Variants in MKI67 observed in about 807,000 individuals in gnomAD.
MKI67 encodes marker of proliferation Ki-67.
In MKI67, 152 loss-of-function variants were observed where a neutral mutation model predicts 233.5. That is an observed-to-expected ratio of 0.65 (90% CI 0.57 to 0.74). The LOEUF (loss-of-function observed/expected upper bound fraction) is 0.74, where lower values mean the gene tolerates loss of function less well. MKI67 is among the 30% of genes least tolerant of loss of function. The pLI, the probability that MKI67 is intolerant of heterozygous loss-of-function variation, is 0.00. For synonymous variants in MKI67, 1,465 were observed against 1,418.5 expected (o/e 1.03, Z -0.74); for missense variants, 3,940 against 3,885.2 (o/e 1.01, Z -0.37).
rs374203412 is a variant in MKI67 at position 128,110,420 on chromosome 10, C to T, written c.2374G>A (p.Asp792Asn). 25 of 1,584,726 alleles carry T rather than the reference C, an allele frequency of 1.6e-5. No individual in the cohort carries two copies. The highest frequency in any genetic ancestry group is 1.9e-5 in the Non-Finnish European group (22 of 1,157,080). ...NLLGKQFQGT[D>N]SGEEPLLPTS... ...GGGAGCAGAGGTTCTTCTCCTGAAT[C>T]AGTTCCTTGAAACTGTTTTCCAAGC... Residue 792 changes from aspartate to asparagine, a missense_variant, in exon 12 of 15, where the codon GAT (aspartate) becomes AAT (asparagine). Physicochemically the swap from Asp to Asn is conservative, Grantham distance 23. Coordinates refer to ENST00000368654, the MANE Select transcript of MKI67 (RefSeq NM_002417.5).
At position 128,108,513 on chromosome 10, in the gene MKI67, G is replaced by A; in HGVS notation, c.3327C>T (p.Phe1109=). The change falls in exon 13 of 15, where the codon TTC becomes TTT. Residue 1109 remains phenylalanine, a synonymous_variant. Transcript: ENST00000368654. ...ATTCCTCAGAGGGACCTGGTGTCTG[G>A]AAGAGCTCTTTGAAGCCAGCCAGGT... ...LEDLAGFKEL[F]QTPGPSEESM... The A allele has an allele frequency of 6.2e-7, 1 of 1,614,040 alleles. No homozygotes were observed. Among genetic ancestry groups the A allele is most frequent in the Non-Finnish European group, 8.5e-7 (1 of 1,180,012 alleles).
At position 128,125,598 on chromosome 10, in the gene MKI67, G is replaced by A; in HGVS notation, c.70C>T (p.Leu24Phe). The A allele has an allele frequency of 6.2e-7, 1 of 1,613,420 alleles. No homozygotes were observed. Among genetic ancestry groups the A allele is most frequent in the Non-Finnish European group, 8.5e-7 (1 of 1,179,802 alleles). The change falls in exon 2 of 15, where the codon CTC becomes TTC. Residue 24 changes from leucine to phenylalanine, a missense_variant. Coordinates refer to ENST00000368654, the MANE Select transcript of MKI67 (RefSeq NM_002417.5). This position sits in a 1 kb window ranked among gnomAD's most constrained non-coding sequence, Gnocchi z 5.3. ...GVDGPHFPLSLSTCLFGRGIE... is the reference protein window; with the variant it reads ...GVDGPHFPLSFSTCLFGRGIE... ...CACCTTCCAAACAAGCAGGTGCTGA[G>A]GCTCAGGGGAAAGTGGGGACCGTCG...
At position 128,105,564 on chromosome 10, in the gene MKI67, T is replaced by G. The variant is rs140458599; in HGVS notation, c.6276A>C (p.Ser2092=). ...LFQTPDHTEE[S]TTDDKTTKIA... is the part of the protein sequence containing the mutation. ...TTTTGGTAGTTTTGTCATCAGTTGT[T>G]GATTCCTCAGTGTGGTCTGGTGTCT... Residue 2092 remains serine (S), a synonymous_variant, in exon 13 of 15, where the codon TCA becomes TCC. Transcript: ENST00000368654. The G allele has an allele frequency of 6.2e-6, 10 of 1,613,682 alleles. No homozygotes were observed. The highest frequency in any genetic ancestry group is 3.3e-5 in the Admixed American group (2 of 59,970).
At chr10:128,121,145 A>C (rs1001456012) in intron 4 of MKI67, among the ~76,000 whole-genome samples, 38 of 151,868 alleles carry the variant, frequency 2.5e-4, no homozygotes, top group African/African-American at 8.5e-4. Context: ...TCCATGCACC[A>C]AGACATCATT....
chr10:128,110,800 C>T (rs190418204), intron 11 of MKI67, among the ~76,000 whole-genome samples: 1 of 152,300 alleles, frequency 6.6e-6, no homozygotes, highest in East Asian at 1.9e-4. Context: ...CTGGGTCCTC[C>T]TAACAAGACC....
intron 6 of MKI67, 98 bp from the exon 7 acceptor site, chr10:128,116,105 A>C: frequency 7.2e-7 from 1 of 1,396,844 alleles, no homozygotes; most frequent in Non-Finnish European, 9.6e-7. Context: ...AGGTTGTCTT[A>C]TAAGCTAGCT....
In MKI67 at chr10:128,107,089, G is replaced by A. The variant is rs1185414663; in HGVS notation, c.4751C>T (p.Ala1584Val). The A allele has an allele frequency of 1.2e-6, 2 of 1,613,832 alleles. No individual in the cohort carries two copies. Among genetic ancestry groups the A allele is most frequent in the Non-Finnish European group, 1.7e-6 (2 of 1,180,004 alleles). ...TTTAAAGCCAGCCAGGTCTTCTAGA[G>A]CCTGGGCCTTTTCCTTAGGAGTTTG... ...RLQTPKEKAQ[A>V]LEDLAGFKEL... The change falls in exon 13 of 15, where the codon GCT becomes GTT. Residue 1584 changes from alanine (A) to valine (V), a missense_variant. Coordinates refer to ENST00000368654, the MANE Select transcript of MKI67 (RefSeq NM_002417.5).
At position 128,106,640 on chromosome 10, in the gene MKI67, T is replaced by C. The variant is rs1232277371; in HGVS notation, c.5200A>G (p.Lys1734Glu). ...GGCTGTGAAGCTCTGTAGGATACTTTGGTAGTTTTTTCGTTAGTCATTGAT... is the reference window on the plus strand; with the variant it reads ...GGCTGTGAAGCTCTGTAGGATACTTCGGTAGTTTTTTCGTTAGTCATTGAT... Reference protein sequence around the residue: ...KESMTNEKTTKVSYRASQPDL... With the variant: ...KESMTNEKTTEVSYRASQPDL... The change falls in exon 13 of 15, where the codon AAA (lysine) becomes GAA (glutamate). Residue 1734 changes from lysine (K) to glutamate (E), a missense_variant. Transcript: ENST00000368654. 1 of 1,614,168 alleles carries C rather than the reference T, an allele frequency of 6.2e-7. No individual in the cohort carries two copies. Among genetic ancestry groups the C allele is most frequent in the Non-Finnish European group, 8.5e-7 (1 of 1,180,018 alleles).
At position 128,115,301 on chromosome 10, in the gene MKI67, A is replaced by G. The variant is rs1422806234; in HGVS notation, c.1107T>C (p.Thr369=). 3 of 1,613,832 alleles carry G rather than the reference A, an allele frequency of 1.9e-6. No individual in the cohort carries two copies. Among genetic ancestry groups the G allele is most frequent in the Non-Finnish European group, 2.5e-6 (3 of 1,179,968 alleles). ...QKHKNKDLYT[T]GRRESVNLGK... ...CCAGATTCACAGATTCTCTTCTACC[A>G]GTAGTATACAGGTCTTTGTTCTTAT... The change falls in exon 7 of 15, where the codon ACT becomes ACC. Residue 369 remains threonine (T), a synonymous_variant. Transcript: ENST00000368654.
chr10:128,099,172 C>A lies in MKI67; in HGVS notation c.*18G>T. 6.3e-7 allele frequency: 1 copy of A among 1,590,462 alleles called. No individual in the cohort carries two copies. The stretch of plus-strand genomic sequence containing the variant: ...ACAAAACTAACTTTATTATATTTTT[C>A]CCAGTTCGATTTTTCTGTCAAATAT... On this transcript the variant is annotated 3_prime_UTR_variant, in exon 15 of 15. Coordinates refer to ENST00000368654, the MANE Select transcript of MKI67 (RefSeq NM_002417.5).
At position 128,105,373 on chromosome 10, in the gene MKI67, C is replaced by T. The variant is rs978950523; in HGVS notation, c.6467G>A (p.Gly2156Asp). The T allele has an allele frequency of 1.9e-6, 3 of 1,614,138 alleles. No homozygotes were observed. Among genetic ancestry groups the T allele is most frequent in the East Asian group, 2.2e-5 (1 of 44,876 alleles). ...TGCAGTTTCCCTGAACACGTTGATG[C>T]CTTTATCCTCATCTCCTGGTACTTT... The part of the protein sequence containing the change: ...TDKVPGDEDK[G>D]INVFRETAKQ... The change falls in exon 13 of 15, where the codon GGC becomes GAC. Residue 2156 changes from glycine (G) to aspartate (D), a missense_variant. Physicochemically the swap from Gly to Asp is moderately conservative, Grantham distance 94. Transcript: ENST00000368654.
In MKI67 at chr10:128,098,213, T is replaced by C. The variant is rs939052376; in HGVS notation, c.*977A>G. On this transcript the variant is annotated 3_prime_UTR_variant, in exon 15 of 15. Transcript: ENST00000368654. Reference sequence around the variant, plus strand: ...AAAGATGTCTGGGCTTCAAAGGAGATTTCGGAGGCAGCGGCTCACAAGGAA... The same window carrying C: ...AAAGATGTCTGGGCTTCAAAGGAGACTTCGGAGGCAGCGGCTCACAAGGAA... The C allele has an allele frequency of 6.6e-6, 1 of 152,184 alleles. No homozygotes were observed. The highest frequency in any genetic ancestry group is 2.4e-5 in the African/African-American group (1 of 41,416). The allele number at this position is 152,184 out of a possible 1,614,324, so 9.4% of individuals were successfully genotyped here. A position where few individuals can be genotyped will look rare whatever the true frequency, so the allele number is the denominator to read the frequency against.
Position 128,102,938 on chromosome 10 carries a change from C to A in MKI67, c.8902G>T (p.Val2968Leu). Residue 2968 changes from valine (V) to leucine (L), a missense_variant, in exon 13 of 15, where the codon GTA (valine) becomes TTA (leucine). Val to Leu is a conservative substitution (Grantham distance 32). Coordinates refer to ENST00000368654, the MANE Select transcript of MKI67 (RefSeq NM_002417.5). ...ISRRVLRAPK[V>L]EPVGDVVSTR... Reference sequence around the variant, plus strand: ...CTTACCACGTCTCCCACGGGTTCTACTTTAGGGGCCCGAAGAACTCTTCTG... The same window carrying A: ...CTTACCACGTCTCCCACGGGTTCTAATTTAGGGGCCCGAAGAACTCTTCTG... The A allele has an allele frequency of 1.2e-6, 2 of 1,614,214 alleles. No homozygotes were observed. The highest frequency in any genetic ancestry group is 1.7e-6 in the Non-Finnish European group (2 of 1,180,042).
In MKI67 at chr10:128,104,314, G is replaced by T. The variant is rs764652439; in HGVS notation, c.7526C>A (p.Thr2509Lys). The T allele has an allele frequency of 3.1e-6, 5 of 1,614,044 alleles. No individual in the cohort carries two copies. Among genetic ancestry groups the T allele is most frequent in the Admixed American group, 1.7e-5 (1 of 60,000 alleles). The change falls in exon 13 of 15, where the codon ACG becomes AAG. Residue 2509 changes from threonine (T) to lysine (K), a missense_variant. Coordinates refer to ENST00000368654, the MANE Select transcript of MKI67 (RefSeq NM_002417.5). ...TCCTGTTGGCTCTGTGTGTGTTTGC[G>T]TAGTCTCCCCTGATGTCCGTGTGAG... ...SKLTRTSGET[T>K]QTHTEPTGDS...
rs1420146342 is a variant in MKI67, at chr10:128,125,591, G to A, written c.77C>T (p.Thr26Ile). 3 of 1,613,138 alleles carry A rather than the reference G, an allele frequency of 1.9e-6. No individual in the cohort carries two copies. The highest frequency in any genetic ancestry group is 2.5e-6 in the Non-Finnish European group (3 of 1,179,790). ...CGGGGCTCACCTTCCAAACAAGCAG[G>A]TGCTGAGGCTCAGGGGAAAGTGGGG... Reference protein sequence around the residue: ...DGPHFPLSLSTCLFGRGIECD... With the variant: ...DGPHFPLSLSICLFGRGIECD... Residue 26 changes from threonine to isoleucine, a missense_variant, in exon 2 of 15, where the codon ACC becomes ATC. Transcript: ENST00000368654. This position sits in a 1 kb window ranked among gnomAD's most constrained non-coding sequence, Gnocchi z 5.3.
chr10:128,121,022 A>C lies in MKI67; in HGVS notation c.288-1703T>G, dbSNP rs145850211. ...ATTAAGGGGGTGGAAAAGTTATACT[A>C]CACAAGCACTCATCAAAAGGAAATT... On this transcript the variant is annotated intron_variant, in intron 4 of 14. Transcript: ENST00000368654. Among the ~76,000 whole-genome samples, 173 of 152,252 alleles carry C rather than the reference A, an allele frequency of 1.1e-3. 1 individual carries two copies. Among genetic ancestry groups the C allele is most frequent in the African/African-American group, 4.0e-3 (167 of 41,552 alleles).
rs771277685 is a variant in MKI67 at position 128,113,392 on chromosome 10, C to T, written c.1656+35G>A. 13 of 1,609,424 alleles carry T rather than the reference C, an allele frequency of 8.1e-6. No individual in the cohort carries two copies. The South Asian group carries it at 1.3e-4, about 16-fold the overall frequency. On this transcript the variant is annotated intron_variant, in intron 8 of 14. Coordinates refer to ENST00000368654, the MANE Select transcript of MKI67 (RefSeq NM_002417.5). ...GAATAGGTACCCGGTGTGTGAGCCA[C>T]TGGGCGTGAATGGGATGCTGCTTGT...
In MKI67 at chr10:128,099,264, G is replaced by A. The variant is rs751147852; in HGVS notation, c.9706-9C>T. The A allele has an allele frequency of 1.9e-6, 3 of 1,603,898 alleles. No individual in the cohort carries two copies. The highest frequency in any genetic ancestry group is 2.6e-6 in the Non-Finnish European group (3 of 1,175,854). ...CACACATTGTCCTCAGCCTGTGTGG[G>A]AAGAAAAAAAATAGAACTCTTAAGT... On this transcript the variant is annotated splice_polypyrimidine_tract_variant and intron_variant, in intron 14 of 14. Coordinates refer to ENST00000368654, the MANE Select transcript of MKI67 (RefSeq NM_002417.5).
chr10:128,109,826 C>G (rs1590307495), intron 12 of MKI67, among the ~76,000 whole-genome samples: 1 of 152,108 alleles, frequency 6.6e-6, no homozygotes, highest in East Asian at 1.9e-4. Flanking sequence ...GGTTAGGGTC[C>G]ATATTACACA....
Sources: allele counts gnomAD v4.1 joint callset (sites outside exome capture counted in the v4.1 genomes callset), GRCh38; gene constraint gnomAD v4.1.1; non-coding constraint Gnocchi (gnomAD v3.1); transcripts MANE v1.5; gene names NCBI Gene and HGNC (gene_info 2026-07-23, HGNC 2026-07-21).